Variants in SPOCK1 observed in about 807,000 individuals in gnomAD.
SPOCK1 encodes SPARC (osteonectin), cwcv and kazal like domains proteoglycan 1.
SPOCK1 carries 23 observed loss-of-function variants against 55.3 expected under a neutral mutation model. The ratio of observed to expected loss-of-function variants is 0.42; its 90% CI spans 0.30 to 0.59. The LOEUF (loss-of-function observed/expected upper bound fraction) is 0.59. Ranked by LOEUF, SPOCK1 falls within the 20% of genes least tolerant of loss-of-function variation. SPOCK1 has a pLI of 0.22. For missense variants in SPOCK1, 499 were observed against 552.5 expected (o/e 0.90, Z 0.97); for synonymous variants, 226 against 221.0 (o/e 1.02, Z -0.20).
chr5:137,119,771 A>G (rs1256619848), intron 4 of SPOCK1, among the ~76,000 whole-genome samples: 2 of 152,244 alleles, frequency 1.3e-5, no homozygotes, highest in African/African-American at 4.8e-5. Flanking sequence ...CAATAACAGC[A>G]GCTAAACATT....
At chr5:137,356,836 T>TAGAGAGAG (rs1352078666) in intron 2 of SPOCK1, among the ~76,000 whole-genome samples, 40 of 8,770 alleles carry the variant, frequency 4.6e-3, no homozygotes, top group Non-Finnish European at 6.8e-3. Flanking sequence ...TATATATATA[T>TAGAGAGAG]ATAGAGAGAG....
At chr5:137,236,583 G>A (rs1010904283) in intron 3 of SPOCK1, among the ~76,000 whole-genome samples, 7 of 152,166 alleles carry the variant, frequency 4.6e-5, no homozygotes, top group African/African-American at 7.2e-5. Context: ...TGCTTGCCCA[G>A]GTTTCTTTGA....
intron 6 of SPOCK1, among the ~76,000 whole-genome samples, chr5:137,014,490 T>C (rs1453026466): frequency 6.6e-6 from 1 of 152,098 alleles, no homozygotes; most frequent in East Asian, 1.9e-4. Context: ...AGTCCAAGAG[T>C]GGAAATCTTT....
intron 2 of SPOCK1, among the ~76,000 whole-genome samples, chr5:137,385,116 T>A (rs144246761): frequency 5.7e-4 from 87 of 152,284 alleles, no homozygotes; most frequent in African/African-American, 2.1e-3. Flanking sequence ...GTCATAATCT[T>A]CACCTCCCTC....
chr5:137,292,942 T>C (rs1334426098), intron 2 of SPOCK1, among the ~76,000 whole-genome samples: 1 of 152,144 alleles, frequency 6.6e-6, no homozygotes, highest in Non-Finnish European at 1.5e-5. Flanking sequence ...TAAGAAATAA[T>C]TTCATTTTAA....
intron 3 of SPOCK1, among the ~76,000 whole-genome samples, chr5:137,253,299 T>A (rs1196545469): frequency 6.6e-6 from 1 of 152,192 alleles, no homozygotes; most frequent in African/African-American, 2.4e-5. Flanking sequence ...ACCCAGTAAT[T>A]CTGCCATTTT....
intron 3 of SPOCK1, among the ~76,000 whole-genome samples, chr5:137,246,401 G>C (rs1756395300): frequency 6.6e-6 from 1 of 152,140 alleles, no homozygotes; most frequent in Non-Finnish European, 1.5e-5. Flanking sequence ...TCAAGATAAA[G>C]TTGACCTCCC....
chr5:137,480,303 TCACACACACACACACACACACACACA>T (rs6149262), intron 2 of SPOCK1, among the ~76,000 whole-genome samples: 1 of 140,118 alleles, frequency 7.1e-6, no homozygotes, highest in African/African-American at 2.6e-5. Context: ...TTGCTCTCCT[TCACACACACACACACACACACACACA>T]CACACACACA....
At chr5:137,365,523 G>A (rs1341448406) in intron 2 of SPOCK1, 1 of 152,268 alleles carries the variant, frequency 6.6e-6, no homozygotes, top group East Asian at 1.9e-4. Flanking sequence ...ACCAATGCTG[G>A]GGCAAACCCT....
intron 2 of SPOCK1, among the ~76,000 whole-genome samples, chr5:137,357,231 T>C (rs1394933487): frequency 6.6e-6 from 1 of 152,178 alleles, no homozygotes; most frequent in African/African-American, 2.4e-5. Flanking sequence ...GCCACCGTGC[T>C]AACTCCATCC....
intron 2 of SPOCK1, among the ~76,000 whole-genome samples, chr5:137,355,802 C>A (rs1263672433): frequency 2.0e-5 from 3 of 152,158 alleles, no homozygotes; most frequent in Non-Finnish European, 4.4e-5. Context: ...CAGATCATAG[C>A]CCAGCCCCCA....
Position 137,125,469 on chromosome 5 carries a change from G to A in SPOCK1, c.348-12908C>T, listed in dbSNP as rs570258801. 2.0e-5 allele frequency among the ~76,000 whole-genome samples: 3 copies of A among 152,112 alleles called. No homozygotes were observed. In the South Asian group the frequency reaches 6.3e-4, roughly 32 times the overall value. The stretch of plus-strand genomic sequence containing the variant: ...CTAAGATGATGGTATTAGGAGGTGG[G>A]GCCTTTGGCAGGGGTAATTAGGTCA... On this transcript the variant is annotated intron_variant, in intron 4 of 10. Coordinates refer to ENST00000394945, the MANE Select transcript of SPOCK1 (RefSeq NM_004598.4).
chr5:137,348,488 G>A (rs567778800), intron 2 of SPOCK1, among the ~76,000 whole-genome samples: 5 of 151,828 alleles, frequency 3.3e-5, no homozygotes, highest in African/African-American at 7.2e-5. Flanking sequence ...GTGGGGGTGC[G>A]GCAGGGGCAT....
intron 2 of SPOCK1, among the ~76,000 whole-genome samples, chr5:137,453,769 C>T (rs187718140): frequency 1.3e-5 from 2 of 152,092 alleles, no homozygotes; most frequent in Non-Finnish European, 2.9e-5. Context: ...AGGGGTAGAG[C>T]GAGACATGAT....
chr5:137,358,861 A>G (rs1035708290), intron 2 of SPOCK1, among the ~76,000 whole-genome samples: 8 of 152,204 alleles, frequency 5.3e-5, no homozygotes, highest in African/African-American at 1.4e-4. Context: ...AAATTTCAAG[A>G]CTTACATGAT....
intron 6 of SPOCK1, among the ~76,000 whole-genome samples, chr5:137,016,172 G>A (rs1249168528): frequency 2.0e-5 from 3 of 152,126 alleles, no homozygotes; most frequent in East Asian, 1.9e-4. Context: ...ACCCCCGCAC[G>A]TTCCTACCTC....
At chr5:137,265,104 T>C (rs1756824284) in intron 3 of SPOCK1, among the ~76,000 whole-genome samples, 1 of 152,200 alleles carries the variant, frequency 6.6e-6, no homozygotes, top group Non-Finnish European at 1.5e-5. Context: ...AATCCTCGTT[T>C]GAACTGTTTA....
intron 9 of SPOCK1, among the ~76,000 whole-genome samples, chr5:136,982,444 CTT>C (rs10589429): frequency 0.011 from 1,731 of 152,296 alleles, 35 homozygotes; most frequent in African/African-American, 0.039. Context: ...AATGCTTACT[CTT>C]ATTTCTGCCA....
chr5:137,471,017 G>A (rs545819399), intron 2 of SPOCK1, among the ~76,000 whole-genome samples: 1 of 152,330 alleles, frequency 6.6e-6, no homozygotes, highest in South Asian at 2.1e-4. Context: ...AGTAATACGA[G>A]TTAATTGTAA....
Sources: allele counts gnomAD v4.1 joint callset (sites outside exome capture counted in the v4.1 genomes callset), GRCh38; gene constraint gnomAD v4.1.1; transcripts MANE v1.5; gene names NCBI Gene and HGNC (gene_info 2026-07-23, HGNC 2026-07-21).